SHCBP1L: variants seen among roughly 807,000 people sequenced by gnomAD.
SHCBP1L encodes SHC binding and spindle associated 1 like.
SHCBP1L carries 67 observed loss-of-function variants against 62.5 expected under a neutral mutation model. That is an observed-to-expected ratio of 1.07 (90% confidence interval 0.88 to 1.31). The LOEUF is 1.31. Among genes scored for constraint, SHCBP1L ranks in the 40% most tolerant of loss-of-function variants. The probability of loss-of-function intolerance (pLI) is 0.00; values close to 1 mark genes in which losing one functional copy is unlikely to be tolerated. For synonymous variants in SHCBP1L, 284 were observed against 289.4 expected (o/e 0.98, Z 0.19); for missense variants, 823 against 809.8 (o/e 1.02, Z -0.20).
intron 6 of SHCBP1L, among the ~76,000 whole-genome samples, chr1:182,918,905 G>C (rs1650439794): frequency 6.6e-6 from 1 of 152,198 alleles, no homozygotes; most frequent in Non-Finnish European, 1.5e-5. Flanking sequence ...GGAAAGAATA[G>C]TCTCTTCAAC....
chr1:182,904,527 CTG>C (rs1239198613), intron 7 of SHCBP1L, 97 bp from the exon 8 acceptor site: 200 of 1,213,254 alleles, frequency 1.6e-4, no homozygotes, highest in Non-Finnish European at 2.2e-4. Context: ...AAGTTTTTCC[CTG>C]TGTGCGTGTG....
intron 9 of SHCBP1L, among the ~76,000 whole-genome samples, chr1:182,900,595 G>A (rs563896121): frequency 6.6e-6 from 1 of 152,262 alleles, no homozygotes; most frequent in South Asian, 2.1e-4. Context: ...ACCACACCTG[G>A]CTAATTTTTG....
chr1:182,941,162 C>A (rs2101952963), intron 2 of SHCBP1L, among the ~76,000 whole-genome samples: 1 of 96,324 alleles, frequency 1.0e-5, no homozygotes, highest in Admixed American at 1.2e-4. Context: ...ATGATAATAA[C>A]AAAAAAACAA....
chr1:182,933,005 G>C (rs1027614443), intron 5 of SHCBP1L, among the ~76,000 whole-genome samples: 1 of 151,026 alleles, frequency 6.6e-6, no homozygotes, highest in Admixed American at 6.6e-5. Flanking sequence ...TCCCAGGTTC[G>C]AGCAATTCTC....
At chr1:182,927,468 C>A (rs997747684) in intron 6 of SHCBP1L, among the ~76,000 whole-genome samples, 2 of 151,988 alleles carry the variant, frequency 1.3e-5, no homozygotes, top group Admixed American at 6.6e-5. Flanking sequence ...GTCAGGAGAT[C>A]GAGACCATCC....
rs1310667930 is a variant in SHCBP1L, at chr1:182,951,436, T to A, written c.437A>T (p.Tyr146Phe). ...AEDADEVMGKYLSEKLKLKDK... is the reference protein window; with the variant it reads ...AEDADEVMGKFLSEKLKLKDK... ...TTTCAACTTTAATTTTTCTGATAGG[T>A]ATTTACCCATAACTTCATCAGCATC... The change falls in exon 2 of 10, where the codon TAC (tyrosine) becomes TTC (phenylalanine). Residue 146 changes from tyrosine to phenylalanine, a missense_variant. Tyr to Phe is a conservative substitution (Grantham distance 22). Coordinates refer to ENST00000367547, the MANE Select transcript of SHCBP1L (RefSeq NM_030933.4). 2.5e-6 allele frequency: 4 copies of A among 1,602,256 alleles called. No individual in the cohort carries two copies. Among genetic ancestry groups the A allele is most frequent in the Non-Finnish European group, 3.4e-6 (4 of 1,174,214 alleles).
chr1:182,913,711 G>A (rs997196303), intron 6 of SHCBP1L, among the ~76,000 whole-genome samples: 3 of 152,186 alleles, frequency 2.0e-5, no homozygotes, highest in Admixed American at 1.3e-4. Context: ...GCGGGGCACA[G>A]TGGCTCACAC....
chr1:182,951,976 A>G (rs1416896119), intron 1 of SHCBP1L: 1 of 333,488 alleles, frequency 3.0e-6, no homozygotes, highest in Non-Finnish European at 6.2e-6. Flanking sequence ...CCAACTGGAG[A>G]AACCCCATCT....
intron 6 of SHCBP1L, among the ~76,000 whole-genome samples, chr1:182,921,468 G>A (rs1450509626): frequency 6.6e-6 from 1 of 152,180 alleles, no homozygotes; most frequent in Non-Finnish European, 1.5e-5. Context: ...CGAGCTAATA[G>A]GTTTGTTAGG....
intron 5 of SHCBP1L, among the ~76,000 whole-genome samples, chr1:182,935,013 A>G (rs1005389754): frequency 5.3e-5 from 8 of 152,022 alleles, no homozygotes; most frequent in African/African-American, 1.7e-4. Flanking sequence ...TAAGGACTCT[A>G]TTTATGGACT....
intron 9 of SHCBP1L, among the ~76,000 whole-genome samples, chr1:182,902,304 G>A (rs1649870211): frequency 6.6e-6 from 1 of 151,834 alleles, no homozygotes. Flanking sequence ...GCTCACCTCG[G>A]CCTCCCAAAG....
chr1:182,922,469 G>A (rs1210061481), intron 6 of SHCBP1L, among the ~76,000 whole-genome samples: 1 of 151,512 alleles, frequency 6.6e-6, no homozygotes, highest in African/African-American at 2.4e-5. Context: ...CAGGAGAATC[G>A]CTTGAATCTG....
intron 9 of SHCBP1L, 102 bp downstream of exon 9, chr1:182,902,937 T>C: frequency 1.2e-6 from 1 of 802,650 alleles, no homozygotes; most frequent in Non-Finnish European, 1.8e-6. Context: ...TCCAAATCAA[T>C]GATAATATGT....
chr1:182,902,692 GCTT>G (rs1032595808), intron 9 of SHCBP1L, among the ~76,000 whole-genome samples: 73 of 152,158 alleles, frequency 4.8e-4, no homozygotes, highest in African/African-American at 1.5e-3. Flanking sequence ...GACTTCAAAT[GCTT>G]CTTAATATAT....
intron 2 of SHCBP1L, among the ~76,000 whole-genome samples, chr1:182,950,032 C>G (rs1302213350): frequency 6.6e-6 from 1 of 152,084 alleles, no homozygotes; most frequent in Non-Finnish European, 1.5e-5. Flanking sequence ...ATTCACCTAC[C>G]TTGGCCTCCC....
At chr1:182,940,278 T>A (rs1040222773) in intron 3 of SHCBP1L, 51 bp downstream of exon 3, 1 of 1,489,368 alleles carries the variant, frequency 6.7e-7, no homozygotes, top group African/African-American at 1.4e-5. Context: ...AACCTTCACA[T>A]TAACTTTTGG....
chr1:182,912,702 T>C (rs1040413230), intron 6 of SHCBP1L, among the ~76,000 whole-genome samples: 5 of 151,936 alleles, frequency 3.3e-5, no homozygotes, highest in African/African-American at 1.2e-4. Context: ...TTTGTATTTT[T>C]AGTAGAGACG....
chr1:182,919,169 G>A (rs1650446697), intron 6 of SHCBP1L, among the ~76,000 whole-genome samples: 1 of 152,214 alleles, frequency 6.6e-6, no homozygotes, highest in South Asian at 2.1e-4. Context: ...CTGTGCTGCT[G>A]TATAACAGAA....
At chr1:182,918,329 C>G (rs1291876269) in intron 6 of SHCBP1L, among the ~76,000 whole-genome samples, 1 of 151,058 alleles carries the variant, frequency 6.6e-6, no homozygotes, top group Non-Finnish European at 1.5e-5. Flanking sequence ...GATGCAAAAT[C>G]AGAACACAAA....
Sources: gnomAD v4.1 joint callset for allele counts (sites outside exome capture counted in the v4.1 genomes callset) on GRCh38, gnomAD v4.1.1 for gene constraint, MANE v1.5 for transcripts, NCBI Gene and HGNC (gene_info 2026-07-23, HGNC 2026-07-21) for gene names.